SSTR3: variants seen among roughly 807,000 people sequenced by gnomAD.
SSTR3 encodes the protein somatostatin receptor 3, also known as somatostatin receptor type 3.
For missense variants in SSTR3, 504 were observed against 604.7 expected (o/e 0.83, Z 1.75); for synonymous variants, 281 against 269.2 (o/e 1.04, Z -0.43).
chr22:37,217,241 G>C (rs1399812539), upstream of SSTR3, among the ~76,000 whole-genome samples: 1 of 152,026 alleles, frequency 6.6e-6, no homozygotes, highest in Admixed American at 6.5e-5. Context: ...CTCTGACTCA[G>C]CTGATGGAAG....
At position 37,212,375 on chromosome 22, in the gene SSTR3, A is replaced by G. The variant is rs1926246100; in HGVS notation, c.-587T>C. The G allele has an allele frequency of 6.6e-6, 1 of 152,412 alleles. No homozygotes were observed. Among genetic ancestry groups the G allele is most frequent in the African/African-American group, 2.4e-5 (1 of 41,104 alleles). The allele number at this position is 152,412 out of a possible 1,614,324, so 9.4% of individuals were successfully genotyped here. On this transcript the variant is annotated 5_prime_UTR_variant, in exon 1 of 2. Transcript: ENST00000610913. Reference sequence around the variant, plus strand: ...AGACACGGGTGAGAGGGAGAGATGCAGAGAGAGGCAGGAGGGAGGAAGGAG... The same window carrying G: ...AGACACGGGTGAGAGGGAGAGATGCGGAGAGAGGCAGGAGGGAGGAAGGAG...
chr22:37,217,343 A>G, upstream of SSTR3, among the ~76,000 whole-genome samples: 1 of 152,120 alleles, frequency 6.6e-6, no homozygotes, highest in East Asian at 1.9e-4. Context: ...TTATTCTGGA[A>G]TCTTCTAGGA....
Position 37,211,923 on chromosome 22 carries a change from C to T in SSTR3, c.-135G>A. 1.0e-6 allele frequency: 1 copy of T among 985,648 alleles called. No individual in the cohort carries two copies. The highest frequency in any genetic ancestry group is 1.2e-6 in the Non-Finnish European group (1 of 830,088). The allele number at this position is 985,648 out of a possible 1,614,324, so 61.1% of individuals were successfully genotyped here. A position where few individuals can be genotyped will look rare whatever the true frequency, so the allele number is the denominator to read the frequency against. ...GTCCCCAGGTGCCCCCAGGGCACTC[C>T]TAACTAGGGTCCCCACAAGGCACCC... On this transcript the variant is annotated 5_prime_UTR_variant, in exon 1 of 2. Transcript: ENST00000610913.
upstream of SSTR3, among the ~76,000 whole-genome samples, chr22:37,212,844 G>C (rs1474641590): frequency 6.6e-6 from 1 of 152,192 alleles, no homozygotes; most frequent in Non-Finnish European, 1.5e-5. Context: ...TGGGGAGGCC[G>C]GGTGGGGGTC....
Position 37,206,878 on chromosome 22 carries a change from T to C in SSTR3, c.926A>G (p.Asn309Ser), listed in dbSNP as rs1320101698. ...GGAGAGGAAGCCATAAAGGATGGGG[T>C]TGGCACAGCTGTTGGCATAGGGCAG... ...VALPYANSCA[N>S]PILYGFLSYR... The change falls in exon 2 of 2, where the codon AAC becomes AGC. Residue 309 changes from asparagine to serine, a missense_variant. Physicochemically the swap from Asn to Ser is conservative, Grantham distance 46. Coordinates refer to ENST00000610913, the MANE Select transcript of SSTR3 (RefSeq NM_001051.5). 6.2e-7 allele frequency: 1 copy of C among 1,613,228 alleles called. No individual in the cohort carries two copies. Among genetic ancestry groups the C allele is most frequent in the South Asian group, 1.1e-5 (1 of 91,070 alleles).
chr22:37,218,966 C>T, the SSTR3 span, among the ~76,000 whole-genome samples: 3 of 152,186 alleles, frequency 2.0e-5, no homozygotes. Flanking sequence ...GTCTCCAAAG[C>T]CCCTACTCCA....
chr22:37,210,172 G>A (rs1926105217), intron 1 of SSTR3, among the ~76,000 whole-genome samples: 1 of 152,210 alleles, frequency 6.6e-6, no homozygotes, highest in Admixed American at 6.5e-5. Flanking sequence ...CTAGATGAGG[G>A]AGGGGAGCAC....
intron 1 of SSTR3, among the ~76,000 whole-genome samples, chr22:37,208,754 C>T (rs922639073): frequency 3.9e-5 from 6 of 152,028 alleles, no homozygotes; most frequent in Non-Finnish European, 4.4e-5. Context: ...GGCTCCCCTG[C>T]GAGACTCTGA....
At chr22:37,220,039 C>T in the SSTR3 span, among the ~76,000 whole-genome samples, 14 of 152,282 alleles carry the variant, frequency 9.2e-5, no homozygotes, top group Non-Finnish European at 1.5e-4. Flanking sequence ...AAACAAAACA[C>T]GCAGGTCCTT....
At chr22:37,218,540 G>A in the SSTR3 span, among the ~76,000 whole-genome samples, 1 of 152,172 alleles carries the variant, frequency 6.6e-6, no homozygotes, top group Non-Finnish European at 1.5e-5. Context: ...CCCAGCATCA[G>A]GGGAGAGGGG....
rs1169566665 is a variant in SSTR3, at chr22:37,204,252, T to G, written c.*2295A>C. The G allele has an allele frequency of 6.6e-6, 1 of 152,526 alleles. No homozygotes were observed. Among genetic ancestry groups the G allele is most frequent in the East Asian group, 1.9e-4 (1 of 5,186 alleles). The allele number at this position is 152,526 out of a possible 1,614,324, so 9.4% of individuals were successfully genotyped here. On this transcript the variant is annotated 3_prime_UTR_variant, in exon 2 of 2. Transcript: ENST00000610913. Reference sequence around the variant, plus strand: ...ACAGCTGTTATCAGGTGTCACCGTCTTTATTGACAAGAGCTAGAGACAGAA... The same window carrying G: ...ACAGCTGTTATCAGGTGTCACCGTCGTTATTGACAAGAGCTAGAGACAGAA...
At chr22:37,209,039 A>G (rs1293236869) in intron 1 of SSTR3, among the ~76,000 whole-genome samples, 2 of 152,022 alleles carry the variant, frequency 1.3e-5, no homozygotes, top group African/African-American at 4.8e-5. Context: ...TGATCCCCCA[A>G]TCCCCTGGCT....
At chr22:37,211,654 G>A (rs922259719) in intron 1 of SSTR3, among the ~76,000 whole-genome samples, 171 bp downstream of exon 1, 5 of 152,016 alleles carry the variant, frequency 3.3e-5, no homozygotes, top group South Asian at 2.1e-4. Context: ...TGAGACTAAC[G>A]CCCCTGCCCC....
Position 37,207,857 on chromosome 22 carries a change from A to G in SSTR3, c.-36-18T>C. On this transcript the variant is annotated intron_variant, in intron 1 of 1. Coordinates refer to ENST00000610913, the MANE Select transcript of SSTR3 (RefSeq NM_001051.5). The stretch of plus-strand genomic sequence containing the variant: ...CTATTTGCCTGGGGGAAGGAAAAAC[A>G]GCTCGGTCACAGCAGAGAATGGCTT... 1 of 1,468,190 alleles carries G rather than the reference A, an allele frequency of 6.8e-7. No individual in the cohort carries two copies. The highest frequency in any genetic ancestry group is 9.0e-7 in the Non-Finnish European group (1 of 1,114,040). The allele number at this position is 1,468,190 out of a possible 1,614,324, so 90.9% of individuals were successfully genotyped here. A position where few individuals can be genotyped will look rare whatever the true frequency, so the allele number is the denominator to read the frequency against.
Position 37,204,625 on chromosome 22 carries a change from TTGA to T in SSTR3, c.*1919_*1921del, listed in dbSNP as rs1925606510. The T allele has an allele frequency of 6.6e-6, 1 of 152,236 alleles. No homozygotes were observed. The highest frequency in any genetic ancestry group is 2.4e-5 in the African/African-American group (1 of 41,424). The allele number at this position is 152,236 out of a possible 1,614,324, so 9.4% of individuals were successfully genotyped here. On this transcript the variant is annotated 3_prime_UTR_variant, in exon 2 of 2. Coordinates refer to ENST00000610913, the MANE Select transcript of SSTR3 (RefSeq NM_001051.5). ...CAAAGGACAGACACAGAGAGGCCAC[TTGA>T]TGGAGAGGGGGGTATAGGCCAAGCC...
chr22:37,214,806 C>T (rs767609433), upstream of SSTR3, among the ~76,000 whole-genome samples: 5 of 152,196 alleles, frequency 3.3e-5, no homozygotes, highest in African/African-American at 4.8e-5. Flanking sequence ...GTCCCGACCG[C>T]GGCCTAGGGA....
chr22:37,218,007 T>A, the SSTR3 span, among the ~76,000 whole-genome samples: 1 of 152,330 alleles, frequency 6.6e-6, no homozygotes, highest in South Asian at 2.1e-4. Flanking sequence ...CCCAACCAGC[T>A]CTCTCCTGAT....
chr22:37,210,192 G>A (rs1459019573), intron 1 of SSTR3, among the ~76,000 whole-genome samples: 1 of 152,222 alleles, frequency 6.6e-6, no homozygotes, highest in African/African-American at 2.4e-5. Context: ...CCAGGCTCCT[G>A]AGAGAAGCAA....
chr22:37,218,654 C>T, the SSTR3 span, among the ~76,000 whole-genome samples: 1 of 125,248 alleles, frequency 8.0e-6, no homozygotes, highest in African/African-American at 2.7e-5. Flanking sequence ...TGCAAGGCAT[C>T]ATCGAATTGA....
Sources: allele counts gnomAD v4.1 joint callset (sites outside exome capture counted in the v4.1 genomes callset), GRCh38; gene constraint gnomAD v4.1.1; transcripts MANE v1.5; gene names NCBI Gene and HGNC (gene_info 2026-07-23, HGNC 2026-07-21).